The following STX8 variants were observed in gnomAD, a reference collection of about 807,000 sequenced individuals.
STX8 encodes the protein syntaxin-8.
Under a neutral mutation model 37.5 loss-of-function variants are expected in STX8, and 23 were observed. The observed-to-expected ratio is 0.61, with a 90% CI of 0.44 to 0.87. The LOEUF (loss-of-function observed/expected upper bound fraction) is 0.87. STX8 is among the 40% of genes least tolerant of loss of function. The probability of loss-of-function intolerance (pLI) is 0.00; values close to 1 mark genes in which losing one functional copy is unlikely to be tolerated. For missense variants in STX8, 313 were observed against 284.7 expected, an observed-to-expected ratio of 1.10 and a Z score of -0.71; for synonymous variants, 115 against 99.1, an observed-to-expected ratio of 1.16 and a Z score of -0.95.
At chr17:9,352,110 C>T (rs1258157708) in intron 7 of STX8, among the ~76,000 whole-genome samples, 1 of 150,476 alleles carries the variant, frequency 6.6e-6, no homozygotes, top group Non-Finnish European at 1.5e-5. Flanking sequence ...TACGATTGTG[C>T]CACTGCACTC....
intron 6 of STX8, among the ~76,000 whole-genome samples, chr17:9,422,113 T>C (rs1913455247): frequency 6.6e-6 from 1 of 151,766 alleles, no homozygotes; most frequent in East Asian, 1.9e-4. Context: ...TAGTTTTTTT[T>C]TTTTTTTTGA....
At chr17:9,251,650 C>T (rs1384400275) in intron 7 of STX8, among the ~76,000 whole-genome samples, 2 of 152,312 alleles carry the variant, frequency 1.3e-5, no homozygotes, top group African/African-American at 4.8e-5. Flanking sequence ...CTGAACGCCA[C>T]GGTAGTCTGT....
chr17:9,352,728 T>C (rs1910751627), intron 7 of STX8, among the ~76,000 whole-genome samples: 1 of 152,046 alleles, frequency 6.6e-6, no homozygotes, highest in South Asian at 2.1e-4. Flanking sequence ...GGTCTCGATC[T>C]CCTGACCTCG....
intron 7 of STX8, among the ~76,000 whole-genome samples, chr17:9,286,884 C>T (rs1888462788): frequency 6.6e-6 from 1 of 152,134 alleles, no homozygotes; most frequent in African/African-American, 2.4e-5. Flanking sequence ...GGCTATGCCA[C>T]TGACCAGCTA....
intron 7 of STX8, among the ~76,000 whole-genome samples, chr17:9,256,188 C>G (rs375568615): frequency 6.6e-6 from 1 of 152,204 alleles, no homozygotes; most frequent in Non-Finnish European, 1.5e-5. Flanking sequence ...GGCCCTCTGG[C>G]GGGTAAGAGG....
rs73973750 is a variant in STX8, at chr17:9,436,563, C to A, written c.541+55266G>T. On this transcript the variant is annotated intron_variant, in intron 6 of 7. Transcript: ENST00000306357. ...TGGCCAACACGCTTCGGACAGATCACAGACACTTTGACCTACTTGGGTTTT... is the reference window on the plus strand; with the variant it reads ...TGGCCAACACGCTTCGGACAGATCAAAGACACTTTGACCTACTTGGGTTTT... 3.0e-3 allele frequency among the ~76,000 whole-genome samples: 460 copies of A among 152,262 alleles called. 4 individuals are homozygous for A. The highest frequency in any genetic ancestry group is 0.01 in the African/African-American group (422 of 41,530).
chr17:9,296,253 G>C (rs1317526042), intron 7 of STX8, among the ~76,000 whole-genome samples: 1 of 152,092 alleles, frequency 6.6e-6, no homozygotes, highest in African/African-American at 2.4e-5. Context: ...GGCTGAGGCA[G>C]GAGAATGGCG....
chr17:9,494,780 C>A (rs889793956), intron 5 of STX8, among the ~76,000 whole-genome samples: 2 of 152,000 alleles, frequency 1.3e-5, no homozygotes, highest in East Asian at 3.8e-4. Context: ...AAGTTACTCA[C>A]GATCCTTTCT....
chr17:9,400,247 C>T (rs1232584341), intron 6 of STX8, among the ~76,000 whole-genome samples: 1 of 151,406 alleles, frequency 6.6e-6, no homozygotes, highest in Non-Finnish European at 1.5e-5. Context: ...AGACTACAGG[C>T]GCCCGCCACC....
chr17:9,331,877 G>A (rs1277910755), intron 7 of STX8, among the ~76,000 whole-genome samples: 1 of 151,780 alleles, frequency 6.6e-6, no homozygotes, highest in African/African-American at 2.4e-5. Context: ...CAAAGTGTAT[G>A]GAAAGGAAAA....
rs113235410 is a variant in STX8, at chr17:9,563,627, G to A, written c.117+4744C>T. ...AATTAATGAAAATGGTTATTTAGAA[G>A]AAGTAGGTTAAGAAAAGGTAGAAAA... On this transcript the variant is annotated intron_variant, in intron 2 of 7. Coordinates refer to ENST00000306357, the MANE Select transcript of STX8 (RefSeq NM_004853.3). Among the ~76,000 whole-genome samples, 47 of 152,214 alleles carry A rather than the reference G, an allele frequency of 3.1e-4. 1 individual carries two copies. Among genetic ancestry groups the A allele is most frequent in the African/African-American group, 1.1e-3 (45 of 41,534 alleles).
chr17:9,288,781 G>C (rs1406431456), intron 7 of STX8, among the ~76,000 whole-genome samples: 1 of 151,800 alleles, frequency 6.6e-6, no homozygotes, highest in African/African-American at 2.4e-5. Flanking sequence ...AGACAGAAGA[G>C]AAAATAAGGA....
At chr17:9,349,319 T>TTC (rs1910627752) in intron 7 of STX8, among the ~76,000 whole-genome samples, 1 of 143,662 alleles carries the variant, frequency 7.0e-6, no homozygotes, top group African/African-American at 2.7e-5. Context: ...TTCTTTTCTT[T>TTC]TTTTTTTTTT....
intron 2 of STX8, among the ~76,000 whole-genome samples, chr17:9,566,797 A>G (rs1221905278): frequency 6.6e-6 from 1 of 152,166 alleles, no homozygotes; most frequent in Admixed American, 6.5e-5. Flanking sequence ...CGAAAAAAAA[A>G]GAGAAAAAAA....
intron 7 of STX8, among the ~76,000 whole-genome samples, chr17:9,355,730 G>A (rs930425453): frequency 3.3e-5 from 5 of 151,934 alleles, no homozygotes; most frequent in African/African-American, 4.8e-5. Flanking sequence ...GGCTGGTCTC[G>A]AACTTCTGAC....
At chr17:9,524,205 T>C (rs1905470719) in intron 4 of STX8, among the ~76,000 whole-genome samples, 1 of 152,238 alleles carries the variant, frequency 6.6e-6, no homozygotes, top group South Asian at 2.1e-4. Flanking sequence ...ACACATGATG[T>C]ACAAATTTCT....
At chr17:9,519,632 C>T (rs1905266813) in intron 4 of STX8, among the ~76,000 whole-genome samples, 1 of 152,120 alleles carries the variant, frequency 6.6e-6, no homozygotes, top group Admixed American at 6.5e-5. Context: ...TATTCAAAAA[C>T]TTCCCTGACT....
At chr17:9,571,383 C>T (rs991204211) in intron 1 of STX8, among the ~76,000 whole-genome samples, 29 of 152,058 alleles carry the variant, frequency 1.9e-4, no homozygotes, top group Admixed American at 2.6e-4. Flanking sequence ...TTCCAATCTG[C>T]GGTAAAGTCC....
At chr17:9,405,590 A>C (rs930597167) in intron 6 of STX8, among the ~76,000 whole-genome samples, 2 of 152,202 alleles carry the variant, frequency 1.3e-5, no homozygotes, top group Non-Finnish European at 2.9e-5. Flanking sequence ...CATTTGCACA[A>C]AACTGTAGAG....
Sources: allele counts gnomAD v4.1 joint callset (sites outside exome capture counted in the v4.1 genomes callset), GRCh38; gene constraint gnomAD v4.1.1; transcripts MANE v1.5; gene names NCBI Gene and HGNC (gene_info 2026-07-23, HGNC 2026-07-21).